The following ROCK1 variants were observed in gnomAD, a reference collection of about 807,000 sequenced individuals.
The protein encoded by ROCK1 is Rho associated coiled-coil containing protein kinase 1.
A neutral mutation model predicts 196.8 loss-of-function variants in ROCK1; 36 were observed. That is an observed-to-expected ratio of 0.18 (90% CI 0.14 to 0.24). The LOEUF is 0.24. Among genes scored for constraint, ROCK1 ranks in the 10% least tolerant of loss-of-function variants. ROCK1 has a pLI of 1.00. For missense variants in ROCK1, 920 were observed against 1,562.0 expected, an observed-to-expected ratio of 0.59 and a Z score of 6.93; for synonymous variants, 443 against 515.9, an observed-to-expected ratio of 0.86 and a Z score of 1.91.
chr18:21,005,370 T>A (rs1200143146), intron 16 of ROCK1, among the ~76,000 whole-genome samples: 1 of 152,224 alleles, frequency 6.6e-6, no homozygotes. Flanking sequence ...CAACGATGCA[T>A]GAGGAATTCC....
chr18:21,069,173 G>A (rs2036362708), intron 2 of ROCK1, among the ~76,000 whole-genome samples: 1 of 151,890 alleles, frequency 6.6e-6, no homozygotes, highest in South Asian at 2.1e-4. Context: ...AATTGTGAAT[G>A]GATATTAAAT....
At chr18:21,041,600 T>C (rs1295460523) in intron 8 of ROCK1, among the ~76,000 whole-genome samples, 2 of 152,092 alleles carry the variant, frequency 1.3e-5, no homozygotes, top group Admixed American at 6.5e-5. Flanking sequence ...AGAAAAAAGA[T>C]AGTATACTTT....
chr18:20,973,323 G>A (rs2035447881), intron 22 of ROCK1, among the ~76,000 whole-genome samples: 1 of 152,140 alleles, frequency 6.6e-6, no homozygotes, highest in Non-Finnish European at 1.5e-5. Context: ...TGTCGCCCAG[G>A]CTGGAGTGCA....
chr18:21,062,474 C>T (rs1415328996), intron 2 of ROCK1, among the ~76,000 whole-genome samples: 1 of 152,120 alleles, frequency 6.6e-6, no homozygotes, highest in Non-Finnish European at 1.5e-5. Flanking sequence ...ATAAATAACA[C>T]ACTACTGGAT....
intron 2 of ROCK1, among the ~76,000 whole-genome samples, chr18:21,052,063 C>A (rs1261675710): frequency 6.6e-6 from 1 of 152,152 alleles, no homozygotes; most frequent in Non-Finnish European, 1.5e-5. Flanking sequence ...AAAAAAGATT[C>A]TTGGCTCTAG....
chr18:20,980,267 G>A (rs571363329), intron 21 of ROCK1, among the ~76,000 whole-genome samples: 1 of 152,004 alleles, frequency 6.6e-6, no homozygotes, highest in Non-Finnish European at 1.5e-5. Flanking sequence ...CAAAACTGTG[G>A]TTAATTCATA....
intron 11 of ROCK1, among the ~76,000 whole-genome samples, chr18:21,021,862 C>T (rs1342058141): frequency 6.6e-6 from 1 of 152,156 alleles, no homozygotes; most frequent in Non-Finnish European, 1.5e-5. Flanking sequence ...CTTACAGCAA[C>T]TCCTTATTAT....
chr18:20,991,343 G>A lies in ROCK1; in HGVS notation c.1993-17C>T, dbSNP rs117313293. On this transcript the variant is annotated splice_polypyrimidine_tract_variant and intron_variant, in intron 17 of 32. Coordinates refer to ENST00000399799, the MANE Select transcript of ROCK1 (RefSeq NM_005406.3). ...ATTCTTTTCCTGTAAAATGGGAGTA[G>A]GAGTCATGTAATAAACTGTGCAGAA... The A allele has an allele frequency of 5.9e-5, 92 of 1,555,572 alleles. No individual in the cohort carries two copies. In the East Asian group the frequency reaches 1.9e-3, roughly 32 times the overall value.
At chr18:21,091,076 C>T (rs1265419616) in intron 1 of ROCK1, among the ~76,000 whole-genome samples, 1 of 151,540 alleles carries the variant, frequency 6.6e-6, no homozygotes, top group Non-Finnish European at 1.5e-5. Flanking sequence ...AAATATACAC[C>T]GAGTATGCCT....
chr18:20,997,884 G>A (rs182858185), intron 16 of ROCK1, among the ~76,000 whole-genome samples: 219 of 150,324 alleles, frequency 1.5e-3, no homozygotes, highest in Middle Eastern at 6.8e-3. Flanking sequence ...ACCCCAGGCT[G>A]GAGTACAAAT....
At chr18:21,016,364 C>T (rs1288099440) in intron 12 of ROCK1, among the ~76,000 whole-genome samples, 1 of 152,124 alleles carries the variant, frequency 6.6e-6, no homozygotes, top group Non-Finnish European at 1.5e-5. Context: ...GGTTAAGGAT[C>T]CCTAAACTCC....
At chr18:20,993,164 T>C (rs1037658185) in intron 16 of ROCK1, among the ~76,000 whole-genome samples, 2 of 152,250 alleles carry the variant, frequency 1.3e-5, no homozygotes, top group African/African-American at 4.8e-5. Flanking sequence ...GCCAAAGAGA[T>C]GAAGCCTCAG....
chr18:20,984,671 T>C lies in ROCK1; in HGVS notation c.2305-136A>G, dbSNP rs1598517680. The stretch of plus-strand genomic sequence containing the variant: ...AAAATATTAGTATTTTAAAGAGTCT[T>C]CATTGTTCCACGTGTTTATTACAGT... On this transcript the variant is annotated intron_variant, in intron 19 of 32. Transcript: ENST00000399799. The C allele has an allele frequency of 2.1e-5, 13 of 625,350 alleles. 1 individual carries two copies. The South Asian group carries it at 3.0e-4, about 14-fold the overall frequency. The allele number at this position is 625,350 out of a possible 1,614,324, so 38.7% of individuals were successfully genotyped here.
intron 2 of ROCK1, among the ~76,000 whole-genome samples, chr18:21,055,414 T>C (rs1328929806): frequency 6.6e-6 from 1 of 152,206 alleles, no homozygotes; most frequent in Non-Finnish European, 1.5e-5. Flanking sequence ...CTAATGATCT[T>C]GTTTGGCTAC....
At chr18:21,055,330 T>C (rs1318288935) in intron 2 of ROCK1, among the ~76,000 whole-genome samples, 1 of 151,968 alleles carries the variant, frequency 6.6e-6, no homozygotes, top group Admixed American at 6.6e-5. Flanking sequence ...CCCACTCTCC[T>C]AGAGACGTAT....
intron 2 of ROCK1, among the ~76,000 whole-genome samples, chr18:21,058,226 A>G (rs570737140): frequency 3.9e-4 from 59 of 152,200 alleles, no homozygotes; most frequent in African/African-American, 1.3e-3. Context: ...ATTCTGCCAC[A>G]TTTTCTATAT....
chr18:21,012,261 C>G, intron 13 of ROCK1, among the ~76,000 whole-genome samples: 1 of 152,112 alleles, frequency 6.6e-6, no homozygotes, highest in East Asian at 1.9e-4. Flanking sequence ...AAGATTCCTT[C>G]TTTTATCATT....
chr18:20,952,651 TG>T lies in ROCK1; in HGVS notation c.4061+926del, dbSNP rs2035200769. Reference sequence around the variant, plus strand: ...AAATTAGCCAGGCGTGGCATGCGTCTGTAATCCCCGCTACTTGGGAGGCTGA... The same window carrying T: ...AAATTAGCCAGGCGTGGCATGCGTCTTAATCCCCGCTACTTGGGAGGCTGA... On this transcript the variant is annotated intron_variant, in intron 32 of 32. Coordinates refer to ENST00000399799, the MANE Select transcript of ROCK1 (RefSeq NM_005406.3). Among the ~76,000 whole-genome samples, 3 of 151,628 alleles carry T rather than the reference TG, an allele frequency of 2.0e-5. No homozygotes were observed. The South Asian group carries it at 6.3e-4, about 32-fold the overall frequency.
intron 16 of ROCK1, among the ~76,000 whole-genome samples, chr18:21,001,633 C>T (rs555037244): frequency 3.4e-4 from 52 of 151,962 alleles, no homozygotes; most frequent in South Asian, 2.5e-3. Context: ...GGCATGGTGG[C>T]GCATGCCTGT....
Sources: allele counts gnomAD v4.1 joint callset (sites outside exome capture counted in the v4.1 genomes callset), GRCh38; gene constraint gnomAD v4.1.1; transcripts MANE v1.5; gene names NCBI Gene and HGNC (gene_info 2026-07-23, HGNC 2026-07-21).